The following SHISA6 variants were observed in gnomAD, a reference collection of about 807,000 sequenced individuals.
SHISA6 encodes the protein shisa family member 6.
Under a neutral mutation model 47.9 loss-of-function variants are expected in SHISA6, and 22 were observed. That is an observed-to-expected ratio of 0.46 (90% CI 0.33 to 0.66). SHISA6 has a LOEUF of 0.66. SHISA6 is among the 30% of genes least tolerant of loss of function. The pLI is 0.02. For missense variants in SHISA6, 680 were observed against 764.6 expected, an observed-to-expected ratio of 0.89 and a Z score of 1.30; for synonymous variants, 388 against 337.8, an observed-to-expected ratio of 1.15 and a Z score of -1.63.
intron 3 of SHISA6, among the ~76,000 whole-genome samples, chr17:11,433,277 C>T (rs1914842982): frequency 6.6e-6 from 1 of 152,146 alleles, no homozygotes. Flanking sequence ...GTTCCCCTCC[C>T]TGTGTCCATG....
At chr17:11,515,723 T>C (rs1378497762) in intron 3 of SHISA6, among the ~76,000 whole-genome samples, 1 of 152,114 alleles carries the variant, frequency 6.6e-6, no homozygotes, top group South Asian at 2.1e-4. Flanking sequence ...CACAACACTG[T>C]CCTAGCAAGG....
chr17:11,528,047 A>G (rs577279635), intron 3 of SHISA6, among the ~76,000 whole-genome samples: 3 of 152,260 alleles, frequency 2.0e-5, no homozygotes, highest in Admixed American at 2.0e-4. Flanking sequence ...TTTACAATAA[A>G]CTTTAAATGT....
rs535855645 is a variant in SHISA6, at chr17:11,448,682, C to T, written c.895+69173C>T. ...TCTCTACTAAAATACAAAAATTAGC[C>T]GGGCGTGGTGGTGAGTGCCTGTAAT... On this transcript the variant is annotated intron_variant, in intron 3 of 5. Coordinates refer to ENST00000441885, the MANE Select transcript of SHISA6 (RefSeq NM_207386.4). 1.4e-4 allele frequency among the ~76,000 whole-genome samples: 22 copies of T among 152,076 alleles called. 1 individual carries two copies. The highest frequency in any genetic ancestry group is 2.7e-4 in the African/African-American group (11 of 41,484).
At chr17:11,361,595 G>A (rs1172864800) in intron 2 of SHISA6, among the ~76,000 whole-genome samples, 2 of 152,202 alleles carry the variant, frequency 1.3e-5, no homozygotes, top group African/African-American at 4.8e-5. Context: ...AGCAGTTTTA[G>A]ATGTTTTGCT....
chr17:11,390,658 G>T (rs1311425760), intron 3 of SHISA6, among the ~76,000 whole-genome samples: 1 of 152,068 alleles, frequency 6.6e-6, no homozygotes, highest in East Asian at 1.9e-4. Flanking sequence ...TCACTTCTAA[G>T]ATTCATATGC....
intron 3 of SHISA6, among the ~76,000 whole-genome samples, chr17:11,458,638 C>A (rs1915613676): frequency 6.6e-6 from 1 of 152,108 alleles, no homozygotes; most frequent in Non-Finnish European, 1.5e-5. Context: ...GAGCCAGGCC[C>A]CCTTATTCAG....
intron 1 of SHISA6, among the ~76,000 whole-genome samples, chr17:11,260,286 C>A (rs1371125610): frequency 6.6e-6 from 1 of 152,066 alleles, no homozygotes; most frequent in Non-Finnish European, 1.5e-5. Context: ...CAAAAGAATT[C>A]TTTTGTTTGA....
intron 3 of SHISA6, among the ~76,000 whole-genome samples, chr17:11,481,336 A>G (rs376692759): frequency 1.6e-4 from 22 of 141,500 alleles, no homozygotes; most frequent in East Asian, 2.1e-4. Flanking sequence ...AAAAATATAT[A>G]TGTGTGTGTG....
At chr17:11,526,442 C>T (rs1222029543) in intron 3 of SHISA6, among the ~76,000 whole-genome samples, 2 of 152,184 alleles carry the variant, frequency 1.3e-5, no homozygotes, top group Admixed American at 1.3e-4. Context: ...TATTTTCTAC[C>T]TGCTCCACAC....
chr17:11,446,417 A>C (rs1399940317), intron 3 of SHISA6, among the ~76,000 whole-genome samples: 3 of 152,226 alleles, frequency 2.0e-5, no homozygotes, highest in Non-Finnish European at 4.4e-5. Flanking sequence ...AAGACACAGC[A>C]GCTCTCTGGC....
chr17:11,256,613 A>G (rs1001811084), intron 1 of SHISA6, among the ~76,000 whole-genome samples: 1 of 152,124 alleles, frequency 6.6e-6, no homozygotes, highest in Admixed American at 6.5e-5. Context: ...GGTTGACCAT[A>G]TGGCCCTGCT....
intron 3 of SHISA6, among the ~76,000 whole-genome samples, chr17:11,409,575 T>C (rs930205664): frequency 4.0e-5 from 6 of 151,748 alleles, no homozygotes; most frequent in Non-Finnish European, 2.9e-5. Context: ...GTGGTGGCGC[T>C]TGCCTGTAGT....
intron 3 of SHISA6, among the ~76,000 whole-genome samples, chr17:11,544,755 T>C (rs1011329039): frequency 1.2e-4 from 18 of 152,136 alleles, no homozygotes; most frequent in African/African-American, 4.3e-4. Flanking sequence ...GGTCAGGAGA[T>C]TGCGACCATC....
intron 2 of SHISA6, among the ~76,000 whole-genome samples, chr17:11,319,206 G>A (rs1243607904): frequency 6.6e-6 from 1 of 151,780 alleles, no homozygotes; most frequent in Non-Finnish European, 1.5e-5. Context: ...AGCCTCCCAA[G>A]TAGCTGGGAT....
At chr17:11,520,111 C>T (rs1376985195) in intron 3 of SHISA6, among the ~76,000 whole-genome samples, 1 of 152,106 alleles carries the variant, frequency 6.6e-6, no homozygotes, top group Non-Finnish European at 1.5e-5. Context: ...AATTACATCT[C>T]GAGCCTCGAC....
At chr17:11,293,448 TGA>T (rs1320660690) in intron 2 of SHISA6, among the ~76,000 whole-genome samples, 4 of 152,152 alleles carry the variant, frequency 2.6e-5, no homozygotes, top group Admixed American at 6.5e-5. Flanking sequence ...CAGGAAAGAA[TGA>T]GAGAACAGGC....
intron 3 of SHISA6, among the ~76,000 whole-genome samples, chr17:11,429,140 T>C (rs1262731347): frequency 6.6e-6 from 1 of 152,146 alleles, no homozygotes; most frequent in Non-Finnish European, 1.5e-5. Context: ...ATCCAGTTCC[T>C]TGTGGGCTGT....
intron 2 of SHISA6, among the ~76,000 whole-genome samples, chr17:11,292,976 C>T (rs1046391252): frequency 6.6e-6 from 1 of 151,722 alleles, no homozygotes; most frequent in Non-Finnish European, 1.5e-5. Flanking sequence ...AGGCGCCCAC[C>T]GCCACACCTG....
chr17:11,343,312 A>G (rs1911597627), intron 2 of SHISA6, among the ~76,000 whole-genome samples: 1 of 152,180 alleles, frequency 6.6e-6, no homozygotes. Flanking sequence ...GTTTAATTCC[A>G]GGGCACTTTA....
Sources: gnomAD v4.1 joint callset for allele counts (sites outside exome capture counted in the v4.1 genomes callset) on GRCh38, gnomAD v4.1.1 for gene constraint, MANE v1.5 for transcripts, NCBI Gene and HGNC (gene_info 2026-07-23, HGNC 2026-07-21) for gene names.